PDZRN3: variants seen among roughly 807,000 people sequenced by gnomAD.
PDZRN3 encodes the protein PDZ domain containing ring finger 3, also known as E3 ubiquitin-protein ligase PDZRN3.
PDZRN3 carries 38 observed loss-of-function variants against 85.7 expected under a neutral mutation model. The ratio of observed to expected loss-of-function variants is 0.44; its 90% confidence interval spans 0.34 to 0.58. PDZRN3 has a LOEUF of 0.58. Ranked by LOEUF, PDZRN3 falls within the 20% of genes least tolerant of loss-of-function variation. The probability of loss-of-function intolerance (pLI) is 0.01; values close to 1 mark genes in which losing one functional copy is unlikely to be tolerated. For synonymous variants in PDZRN3, 759 were observed against 638.0 expected (o/e 1.19, Z -2.86); for missense variants, 1,629 against 1,506.4 (o/e 1.08, Z -1.35).
chr3:73,596,091 G>A (rs925207876), intron 3 of PDZRN3, among the ~76,000 whole-genome samples: 11 of 152,080 alleles, frequency 7.2e-5, no homozygotes, highest in Non-Finnish European at 2.9e-5. Context: ...CAGGAAGTAG[G>A]AAAGTGCTCA....
chr3:73,442,304 T>A (rs987688890), intron 3 of PDZRN3, among the ~76,000 whole-genome samples: 1 of 152,152 alleles, frequency 6.6e-6, no homozygotes, highest in African/African-American at 2.4e-5. Context: ...GGCCAGGATT[T>A]GCAGGAATTC....
chr3:73,397,061 T>C (rs552554600), intron 5 of PDZRN3, among the ~76,000 whole-genome samples: 1 of 149,922 alleles, frequency 6.7e-6, no homozygotes, highest in African/African-American at 2.4e-5. Flanking sequence ...TGAGACAGAG[T>C]CTTGCTCTGT....
At chr3:73,522,622 TG>T in intron 3 of PDZRN3, among the ~76,000 whole-genome samples, 1 of 152,334 alleles carries the variant, frequency 6.6e-6, no homozygotes, top group East Asian at 1.9e-4. Context: ...ACCTGATAAA[TG>T]GAACTGCAAT....
At chr3:73,438,753 G>A (rs557016737) in intron 3 of PDZRN3, among the ~76,000 whole-genome samples, 8 of 152,158 alleles carry the variant, frequency 5.3e-5, no homozygotes, top group African/African-American at 1.4e-4. Context: ...ACTGTTCGCC[G>A]GGCTAGAATA....
chr3:73,581,812 A>G (rs1177341098), intron 3 of PDZRN3, among the ~76,000 whole-genome samples: 2 of 151,912 alleles, frequency 1.3e-5, no homozygotes, highest in East Asian at 3.9e-4. Flanking sequence ...ATTAAAAAAA[A>G]AAAAAGCTGA....
intron 5 of PDZRN3, among the ~76,000 whole-genome samples, chr3:73,396,546 C>G (rs147629173): frequency 1.9e-3 from 297 of 152,308 alleles, no homozygotes; most frequent in African/African-American, 6.9e-3. Flanking sequence ...CCTGCATAAT[C>G]TCCAGGTCAA....
chr3:73,436,920 C>A (rs992280900), intron 3 of PDZRN3, among the ~76,000 whole-genome samples: 3 of 151,860 alleles, frequency 2.0e-5, no homozygotes, highest in Non-Finnish European at 2.9e-5. Context: ...GTGGCACACA[C>A]CTGTAGTCCC....
intron 3 of PDZRN3, among the ~76,000 whole-genome samples, chr3:73,443,500 G>GTTT (rs1702687407): frequency 2.5e-5 from 1 of 39,830 alleles, no homozygotes; most frequent in African/African-American, 3.0e-4. Flanking sequence ...TTTTTTTTTG[G>GTTT]GGGGGGGACA....
Position 73,404,219 on chromosome 3 carries a change from T to G in PDZRN3, c.1095A>C (p.Glu365Asp). 1 of 1,614,136 alleles carries G rather than the reference T, an allele frequency of 6.2e-7. No individual in the cohort carries two copies. ...ACATCTTAGTGAGGGCCATGATATG[T>G]TCAAAGGTGATGTCGGTTTGGGTTC... ...DTGTQTDITF[E>D]HIMALTKMSS... Residue 365 changes from glutamate to aspartate, a missense_variant, in exon 4 of 10, where the codon GAA (glutamate) becomes GAC (aspartate). By Grantham distance (45) the Glu-to-Asp change is conservative. Coordinates refer to ENST00000263666, the MANE Select transcript of PDZRN3 (RefSeq NM_015009.3).
Position 73,383,561 on chromosome 3 carries a change from C to T in PDZRN3, c.3005G>A (p.Cys1002Tyr). The T allele has an allele frequency of 6.2e-7, 1 of 1,614,168 alleles. No homozygotes were observed. ...ATCGGCTGCTTGCTGCTCCTTGAGA[C>T]AATCCAACCTGCTCTGCATCATGAA... ...REFMMQSRLD[C>Y]LKEQQAADDR... The change falls in exon 10 of 10, where the codon TGT becomes TAT. Residue 1002 changes from cysteine to tyrosine, a missense_variant. By Grantham distance (194) the Cys-to-Tyr change is radical. Transcript: ENST00000263666.
At chr3:73,491,469 G>A (rs1267227033) in intron 3 of PDZRN3, among the ~76,000 whole-genome samples, 2 of 152,086 alleles carry the variant, frequency 1.3e-5, no homozygotes, top group African/African-American at 4.8e-5. Flanking sequence ...TGCATCCATT[G>A]CTCAAATGCA....
chr3:73,456,053 T>G (rs1702969930), intron 3 of PDZRN3, among the ~76,000 whole-genome samples: 1 of 152,236 alleles, frequency 6.6e-6, no homozygotes, highest in Admixed American at 6.5e-5. Context: ...AGAAACAGAT[T>G]CAAAAACTAA....
intron 3 of PDZRN3, among the ~76,000 whole-genome samples, chr3:73,493,450 G>A (rs1033333396): frequency 1.2e-4 from 19 of 152,064 alleles, no homozygotes; most frequent in Non-Finnish European, 2.2e-4. Flanking sequence ...GTGACTGAGC[G>A]CCCCAGTAGA....
intron 3 of PDZRN3, among the ~76,000 whole-genome samples, chr3:73,575,961 G>C (rs1702116916): frequency 6.6e-6 from 1 of 152,164 alleles, no homozygotes; most frequent in Non-Finnish European, 1.5e-5. Flanking sequence ...CATAGAAAGA[G>C]AGACAGAGAG....
chr3:73,473,975 T>G (rs1703399456), intron 3 of PDZRN3, among the ~76,000 whole-genome samples: 1 of 152,220 alleles, frequency 6.6e-6, no homozygotes, highest in Non-Finnish European at 1.5e-5. Context: ...AGTAATTTAT[T>G]ACACAGTAAC....
rs1028907639 is a variant in PDZRN3 at position 73,623,926 on chromosome 3, C to CT, written c.723+176dup. The CT allele has an allele frequency of 2.1e-4, 116 of 558,330 alleles. 1 individual carries two copies. The highest frequency in any genetic ancestry group is 4.7e-4 in the Admixed American group (11 of 23,562). The allele number at this position is 558,330 out of a possible 1,614,324, so 34.6% of individuals were successfully genotyped here. ...ACTATAAAGGACCACAGTGTTCCACCTCAGGCAGGTTCAGCGACCTGCAAG... is the reference window on the plus strand; with the variant it reads ...ACTATAAAGGACCACAGTGTTCCACCTTCAGGCAGGTTCAGCGACCTGCAAG... On this transcript the variant is annotated intron_variant, in intron 1 of 9. Coordinates refer to ENST00000263666, the MANE Select transcript of PDZRN3 (RefSeq NM_015009.3).
At chr3:73,428,346 T>C (rs1417756615) in intron 3 of PDZRN3, among the ~76,000 whole-genome samples, 1 of 152,220 alleles carries the variant, frequency 6.6e-6, no homozygotes. Flanking sequence ...ACCATGGTCA[T>C]TTCATTCAAC....
At chr3:73,569,893 C>G (rs1201883452) in intron 3 of PDZRN3, among the ~76,000 whole-genome samples, 3 of 152,190 alleles carry the variant, frequency 2.0e-5, no homozygotes, top group Admixed American at 2.0e-4. Flanking sequence ...ATGGAAATGA[C>G]AGTCCTGCTT....
At chr3:73,548,364 T>G (rs530119780) in intron 3 of PDZRN3, among the ~76,000 whole-genome samples, 1 of 152,328 alleles carries the variant, frequency 6.6e-6, no homozygotes, top group South Asian at 2.1e-4. Flanking sequence ...AGACGTTTTA[T>G]TTCCCCAGAT....
Sources: gnomAD v4.1 joint callset for allele counts (sites outside exome capture counted in the v4.1 genomes callset) on GRCh38, gnomAD v4.1.1 for gene constraint, MANE v1.5 for transcripts, NCBI Gene and HGNC (gene_info 2026-07-23, HGNC 2026-07-21) for gene names.